The following NCAM2 variants were observed in gnomAD, a reference collection of about 807,000 sequenced individuals.
NCAM2 encodes the protein N-CAM-2.
Under a neutral mutation model 98.1 loss-of-function variants are expected in NCAM2, and 30 were observed. That is an observed-to-expected ratio of 0.31 (90% CI 0.23 to 0.41). NCAM2 has a LOEUF of 0.41. Among genes scored for constraint, NCAM2 ranks in the 10% least tolerant of loss-of-function variants. NCAM2 has a pLI of 1.00. For synonymous variants in NCAM2, 368 were observed against 342.4 expected (o/e 1.07, Z -0.83); for missense variants, 867 against 1,005.8 (o/e 0.86, Z 1.87).
rs147398406 is a variant in NCAM2 at position 21,519,058 on chromosome 21, A to T, written c.2282+10003A>T. On this transcript the variant is annotated intron_variant, in intron 16 of 17. Transcript: ENST00000400546. ...TGTAAATTAATGTAAAGATTCTAAC[A>T]TGGGGATGAGCTTGCTATGTTCAAA... 1.1e-3 allele frequency among the ~76,000 whole-genome samples: 164 copies of T among 152,246 alleles called. 1 individual carries two copies. The highest frequency in any genetic ancestry group is 1.9e-3 in the Non-Finnish European group (126 of 67,984).
chr21:21,439,885 G>A (rs1978983944), intron 12 of NCAM2, among the ~76,000 whole-genome samples: 2 of 152,142 alleles, frequency 1.3e-5, no homozygotes, highest in South Asian at 4.1e-4. Flanking sequence ...TAGAACACGT[G>A]TATGTTCATT....
chr21:21,023,773 T>A (rs8131899), intron 1 of NCAM2, among the ~76,000 whole-genome samples: 83,329 of 151,878 alleles, frequency 0.55, 23,219 homozygotes, highest in East Asian at 0.78. Flanking sequence ...GATATATTTG[T>A]CACAAAGAAA....
chr21:21,442,233 G>A (rs1367895066), intron 12 of NCAM2, among the ~76,000 whole-genome samples: 1 of 152,016 alleles, frequency 6.6e-6, no homozygotes, highest in Non-Finnish European at 1.5e-5. Context: ...GGCAATGGTG[G>A]TCTTCTAAAT....
intron 1 of NCAM2, among the ~76,000 whole-genome samples, chr21:21,180,116 C>A (rs2068421801): frequency 6.6e-6 from 1 of 152,074 alleles, no homozygotes; most frequent in African/African-American, 2.4e-5. Context: ...ACTTGGCCTT[C>A]CTCACAGACT....
intron 7 of NCAM2, among the ~76,000 whole-genome samples, chr21:21,335,874 T>C (rs2074853645): frequency 6.6e-6 from 1 of 152,204 alleles, no homozygotes; most frequent in Non-Finnish European, 1.5e-5. Context: ...GTCATTGATA[T>C]GCTTACAGAA....
chr21:21,147,302 A>G, intron 1 of NCAM2: 2 of 978,208 alleles, frequency 2.0e-6, no homozygotes, highest in Non-Finnish European at 2.4e-6. Flanking sequence ...AACATGCTAA[A>G]AAAAAGACAA....
chr21:21,052,240 T>C (rs1484021099), intron 1 of NCAM2, among the ~76,000 whole-genome samples: 1 of 140,626 alleles, frequency 7.1e-6, no homozygotes, highest in African/African-American at 2.7e-5. Flanking sequence ...CTCGGCCCAC[T>C]GCAAGCTCCG....
chr21:21,398,447 G>T (rs1045055507), intron 9 of NCAM2, among the ~76,000 whole-genome samples: 5 of 152,162 alleles, frequency 3.3e-5, no homozygotes, highest in African/African-American at 1.2e-4. Context: ...GAAAAAAGGT[G>T]ATTAGGCAGA....
At chr21:21,257,631 T>C (rs1035975711) in intron 1 of NCAM2, among the ~76,000 whole-genome samples, 2 of 152,116 alleles carry the variant, frequency 1.3e-5, no homozygotes, top group African/African-American at 2.4e-5. Context: ...AGTCTTGCTC[T>C]GAGTCCAGTG....
chr21:21,410,187 A>T (rs1436150449), intron 9 of NCAM2, 87 bp from the exon 10 acceptor site: 2 of 727,102 alleles, frequency 2.8e-6, no homozygotes, highest in African/African-American at 3.7e-5. Context: ...CTTTTTATAC[A>T]GTAGAAATAA....
At chr21:21,241,254 A>G (rs563089767) in intron 1 of NCAM2, among the ~76,000 whole-genome samples, 1 of 152,150 alleles carries the variant, frequency 6.6e-6, no homozygotes, top group Admixed American at 6.6e-5. Flanking sequence ...GTTCTTTTGG[A>G]AATTATTTCT....
chr21:21,226,111 A>C (rs1328160419), intron 1 of NCAM2, among the ~76,000 whole-genome samples: 1 of 152,092 alleles, frequency 6.6e-6, no homozygotes, highest in Admixed American at 6.6e-5. Context: ...AACAATGAGC[A>C]CACACAGACA....
chr21:21,049,390 CACT>C (rs2146288640), intron 1 of NCAM2, among the ~76,000 whole-genome samples: 1 of 152,112 alleles, frequency 6.6e-6, no homozygotes, highest in East Asian at 1.9e-4. Context: ...CATAAAACAC[CACT>C]ACATTAGGCT....
chr21:21,209,688 G>A (rs1276396917), intron 1 of NCAM2, among the ~76,000 whole-genome samples: 1 of 133,442 alleles, frequency 7.5e-6, no homozygotes, highest in African/African-American at 2.5e-5. Flanking sequence ...TATCATGAAA[G>A]CTCTGATTGT....
chr21:21,338,304 T>C, intron 7 of NCAM2, 85 bp from the exon 8 acceptor site: 1 of 1,259,508 alleles, frequency 7.9e-7, no homozygotes, highest in Non-Finnish European at 1.1e-6. Context: ...TATACTATAG[T>C]AGACTTAAAC....
chr21:21,525,683 G>A (rs574793101), intron 16 of NCAM2, among the ~76,000 whole-genome samples: 58 of 152,166 alleles, frequency 3.8e-4, no homozygotes, highest in Middle Eastern at 6.8e-3. Flanking sequence ...TTACTGAAAT[G>A]CCAAAACCAG....
At chr21:21,391,052 A>G (rs1358049259) in intron 9 of NCAM2, among the ~76,000 whole-genome samples, 1 of 152,192 alleles carries the variant, frequency 6.6e-6, no homozygotes, top group Non-Finnish European at 1.5e-5. Flanking sequence ...GATTTTAGTT[A>G]TTCAATTTAA....
intron 1 of NCAM2, among the ~76,000 whole-genome samples, chr21:21,029,663 G>A (rs1009565680): frequency 1.3e-5 from 2 of 151,664 alleles, no homozygotes; most frequent in Non-Finnish European, 2.9e-5. Context: ...ATGGAGTCTC[G>A]CTCTGTTGCC....
At chr21:21,027,449 C>G (rs982669101) in intron 1 of NCAM2, among the ~76,000 whole-genome samples, 1 of 152,106 alleles carries the variant, frequency 6.6e-6, no homozygotes, top group Non-Finnish European at 1.5e-5. Context: ...GCAGATTGTT[C>G]CAATACAATT....
Sources: allele counts gnomAD v4.1 joint callset (sites outside exome capture counted in the v4.1 genomes callset), GRCh38; gene constraint gnomAD v4.1.1; transcripts MANE v1.5; gene names NCBI Gene and HGNC (gene_info 2026-07-23, HGNC 2026-07-21).